LHX4: variants seen among roughly 807,000 people sequenced by gnomAD.
The protein encoded by LHX4 is LIM/homeobox protein Lhx4.
LHX4 carries 16 observed loss-of-function variants against 39.2 expected under a neutral mutation model. The observed-to-expected ratio is 0.41, with a 90% CI of 0.28 to 0.62. The LOEUF is 0.62. Among genes scored for constraint, LHX4 ranks in the 20% least tolerant of loss-of-function variants. The pLI, the probability that LHX4 is intolerant of heterozygous loss-of-function variation, is 0.33. For synonymous variants in LHX4, 206 were observed against 198.1 expected (o/e 1.04, Z -0.33); for missense variants, 439 against 511.9 (o/e 0.86, Z 1.37).
chr1:180,278,719 A>C lies in LHX4; in HGVS notation c.*4140A>C, dbSNP rs1649194213. 6.6e-6 allele frequency: 1 copy of C among 152,010 alleles called. No individual in the cohort carries two copies. The highest frequency in any genetic ancestry group is 2.1e-4 in the South Asian group (1 of 4,812). 9.4% of individuals were successfully genotyped at this position (152,010 alleles called of 1,614,324 possible). A position where few individuals can be genotyped will look rare whatever the true frequency, so the allele number is the denominator to read the frequency against. On this transcript the variant is annotated 3_prime_UTR_variant, in exon 6 of 6. Transcript: ENST00000263726. ...CAGAAGTTGCTCTGAGCTTGCAATC[A>C]GACCTCAAAGCCCCAGATCCCCTCA...
At chr1:180,270,336 AC>A (rs1648569856) in intron 3 of LHX4, 1 of 152,304 alleles carries the variant, frequency 6.6e-6, no homozygotes, top group Admixed American at 6.5e-5. Flanking sequence ...TCACAGAGAC[AC>A]CTTCTGGGGC....
At chr1:180,248,621 T>C (rs1366688785) in intron 2 of LHX4, 165 bp downstream of exon 2, 2 of 736,186 alleles carry the variant, frequency 2.7e-6, no homozygotes, top group African/African-American at 3.5e-5. Context: ...AGGTCCCCCT[T>C]CTGATCACTG....
chr1:180,230,414 C>G lies in LHX4; in HGVS notation c.-116C>G, dbSNP rs1400039036. 1 of 894,012 alleles carries G rather than the reference C, an allele frequency of 1.1e-6. No individual in the cohort carries two copies. Among genetic ancestry groups the G allele is most frequent in the African/African-American group, 1.7e-5 (1 of 60,516 alleles). The allele number at this position is 894,012 out of a possible 1,614,324, so 55.4% of individuals were successfully genotyped here. On this transcript the variant is annotated 5_prime_UTR_variant, in exon 1 of 6. Transcript: ENST00000263726. This position sits in a 1 kb window ranked among gnomAD's most constrained non-coding sequence, Gnocchi z 5.8. ...GAGAAGCGGAGGGCCCGGCTTCCACCGTGACTCCAGCGGCCTGCTTGGGGT... is the reference window on the plus strand; with the variant it reads ...GAGAAGCGGAGGGCCCGGCTTCCACGGTGACTCCAGCGGCCTGCTTGGGGT...
intron 3 of LHX4, among the ~76,000 whole-genome samples, chr1:180,267,978 C>T (rs73044500): frequency 0.12 from 17,810 of 152,092 alleles, 1,628 homozygotes; most frequent in East Asian, 0.33. Flanking sequence ...CTCCCACCAC[C>T]CCCACAGCTC....
chr1:180,251,092 G>A (rs538778371), intron 2 of LHX4, among the ~76,000 whole-genome samples: 1 of 152,284 alleles, frequency 6.6e-6, no homozygotes, highest in South Asian at 2.1e-4. Flanking sequence ...CTTCCGCCAG[G>A]TGGGCCTTCC....
intron 2 of LHX4, among the ~76,000 whole-genome samples, chr1:180,251,375 G>T (rs1647621937): frequency 1.3e-5 from 2 of 152,188 alleles, no homozygotes; most frequent in South Asian, 4.1e-4. Flanking sequence ...ATCCTTCCAG[G>T]GTCCTCAGAG....
chr1:180,270,975 G>A (rs1648613385), intron 3 of LHX4: 1 of 310,454 alleles, frequency 3.2e-6, no homozygotes, highest in Admixed American at 4.4e-5. Context: ...GGCATCTGGG[G>A]CGACTTTGAA....
intron 2 of LHX4, among the ~76,000 whole-genome samples, chr1:180,252,484 A>G (rs1332522078): frequency 6.6e-6 from 1 of 152,140 alleles, no homozygotes; most frequent in Non-Finnish European, 1.5e-5. Flanking sequence ...AAGAAAAAGC[A>G]TGTCCTTTTC....
intron 2 of LHX4, among the ~76,000 whole-genome samples, chr1:180,252,643 C>T (rs1325664357): frequency 6.6e-6 from 1 of 152,142 alleles, no homozygotes; most frequent in East Asian, 1.9e-4. Flanking sequence ...CTCCAGGGGG[C>T]ATCCTCCTGT....
upstream of LHX4, among the ~76,000 whole-genome samples, chr1:180,229,966 G>A (rs1272766269): frequency 1.7e-5 from 1 of 57,502 alleles, no homozygotes. Context: ...AGGCGGGGAG[G>A]GGGGGGGGGT....
At chr1:180,272,286 C>G (rs1328804232) in intron 5 of LHX4, among the ~76,000 whole-genome samples, 1 of 152,156 alleles carries the variant, frequency 6.6e-6, no homozygotes, top group Non-Finnish European at 1.5e-5. Flanking sequence ...ACTGGGGCCT[C>G]CCTCATCAGC....
At chr1:180,264,978 G>GT (rs1370474802) in intron 2 of LHX4, among the ~76,000 whole-genome samples, 1 of 152,206 alleles carries the variant, frequency 6.6e-6, no homozygotes, top group African/African-American at 2.4e-5. Flanking sequence ...TGTGTCCCTG[G>GT]TGGGGGGCGT....
chr1:180,274,825 G>T lies in LHX4; in HGVS notation c.*246G>T. On this transcript the variant is annotated 3_prime_UTR_variant, in exon 6 of 6. Transcript: ENST00000263726. ...GGGGGTAATGGCCTAGAGCTCTAGG[G>T]ACACTGGCTTGTTGGGTCTCTCCCC... The T allele has an allele frequency of 2.2e-6, 1 of 452,580 alleles. No homozygotes were observed. 28.0% of individuals were successfully genotyped at this position (452,580 alleles called of 1,614,324 possible).
chr1:180,230,608 A>G lies in LHX4; in HGVS notation c.76+3A>G. ...GATGCTAGGTGTGCCGATGCAACGT[A>G]AGACACCCCCCTTTCTCGCTGATTT... On this transcript the variant is annotated splice_donor_region_variant and intron_variant, in intron 1 of 5. Transcript: ENST00000263726. This position sits in a 1 kb window ranked among gnomAD's most constrained non-coding sequence, Gnocchi z 5.8. The G allele has an allele frequency of 6.2e-7, 1 of 1,612,412 alleles. No individual in the cohort carries two copies. The highest frequency in any genetic ancestry group is 8.5e-7 in the Non-Finnish European group (1 of 1,178,706).
At chr1:180,261,734 T>A (rs1374918204) in intron 2 of LHX4, among the ~76,000 whole-genome samples, 1 of 151,938 alleles carries the variant, frequency 6.6e-6, no homozygotes, top group Non-Finnish European at 1.5e-5. Context: ...AGATTTGGGG[T>A]GAGATAGTAG....
rs574378343 is a variant in LHX4, at chr1:180,250,751, T to A, written c.248+2295T>A. On this transcript the variant is annotated intron_variant, in intron 2 of 5. Transcript: ENST00000263726. The stretch of plus-strand genomic sequence containing the variant: ...GATTTTTGGACCCTGAGTGGCTGGC[T>A]ATGGTTTGGAAAGAGAGGGTGGAGA... Among the ~76,000 whole-genome samples, 430 of 152,152 alleles carry A rather than the reference T, an allele frequency of 2.8e-3. 2 individuals carry two copies. The highest frequency in any genetic ancestry group is 9.9e-3 in the African/African-American group (412 of 41,516).
At position 180,266,658 on chromosome 1, in the gene LHX4, G is replaced by T. The variant is rs1474661814; in HGVS notation, c.451+64G>T. 6.6e-7 allele frequency: 1 copy of T among 1,515,462 alleles called. No homozygotes were observed. The highest frequency in any genetic ancestry group is 2.4e-5 in the East Asian group (1 of 42,308). The allele number at this position is 1,515,462 out of a possible 1,614,324, so 93.9% of individuals were successfully genotyped here. ...TTTGTTTGGGCCACGCCCTCTGCCT[G>T]AGGTGCCCTTCTCATGGCGTCCCAC... is the stretch of plus-strand genomic sequence containing the variant. On this transcript the variant is annotated intron_variant, in intron 3 of 5. Transcript: ENST00000263726. The surrounding 1 kb of genome is among the most constrained non-coding windows in gnomAD (Gnocchi z 5.7).
chr1:180,269,165 G>A (rs1648479507), intron 3 of LHX4, among the ~76,000 whole-genome samples: 1 of 151,892 alleles, frequency 6.6e-6, no homozygotes, highest in Admixed American at 6.6e-5. Flanking sequence ...TATATTCTGA[G>A]AGCACATAAA....
At chr1:180,261,949 T>A (rs1648129463) in intron 2 of LHX4, among the ~76,000 whole-genome samples, 1 of 152,190 alleles carries the variant, frequency 6.6e-6, no homozygotes, top group African/African-American at 2.4e-5. Flanking sequence ...GTTAATCTTT[T>A]TCTAGCAATG....
Sources: allele counts gnomAD v4.1 joint callset (sites outside exome capture counted in the v4.1 genomes callset), GRCh38; gene constraint gnomAD v4.1.1; non-coding constraint Gnocchi (gnomAD v3.1); transcripts MANE v1.5; gene names NCBI Gene and HGNC (gene_info 2026-07-23, HGNC 2026-07-21).